EIF5B: variants seen among roughly 807,000 people sequenced by gnomAD.
EIF5B encodes eIF-5B.
In EIF5B, 47 loss-of-function variants were observed where a neutral mutation model predicts 147.5. The ratio of observed to expected loss-of-function variants is 0.32; its 90% CI spans 0.25 to 0.41. The LOEUF is 0.41. EIF5B is among the 10% of genes least tolerant of loss of function. The pLI is 1.00. For missense variants in EIF5B, 1,064 were observed against 1,413.2 expected, an observed-to-expected ratio of 0.75 and a Z score of 3.96; for synonymous variants, 455 against 456.2, an observed-to-expected ratio of 1.00 and a Z score of 0.03.
chr2:99,339,907 GT>G (rs1189553906), intron 1 of EIF5B, among the ~76,000 whole-genome samples: 1 of 151,790 alleles, frequency 6.6e-6, no homozygotes, highest in Non-Finnish European at 1.5e-5. Context: ...AACCTAATCT[GT>G]GTTTTGTTGT....
In EIF5B at chr2:99,357,702, T is replaced by C. The variant is rs138316215; in HGVS notation, c.36-2534T>C. Among the ~76,000 whole-genome samples the C allele has an allele frequency of 9.2e-3, 1,404 of 152,264 alleles. 23 individuals are homozygous for C. The highest frequency in any genetic ancestry group is 0.032 in the African/African-American group (1,324 of 41,532). On this transcript the variant is annotated intron_variant, in intron 1 of 23. Transcript: ENST00000289371. Reference sequence around the variant, plus strand: ...GGCCGATAAATTTTTGGAAATGAGATGCCAAACTTCAGCCTTCTCTTCTCA... The same window carrying C: ...GGCCGATAAATTTTTGGAAATGAGACGCCAAACTTCAGCCTTCTCTTCTCA...
At chr2:99,379,256 T>C in intron 11 of EIF5B, 62 bp from the exon 12 acceptor site, 3 of 1,491,970 alleles carry the variant, frequency 2.0e-6, no homozygotes, top group Non-Finnish European at 2.7e-6. Flanking sequence ...TAATTTCTTA[T>C]TATTTTTGCT....
At chr2:99,342,808 A>AT (rs1241939580) in intron 1 of EIF5B, among the ~76,000 whole-genome samples, 2 of 151,712 alleles carry the variant, frequency 1.3e-5, no homozygotes, top group African/African-American at 2.4e-5. Flanking sequence ...ATTTTTAAAA[A>AT]TTTTTTGTAG....
intron 1 of EIF5B, among the ~76,000 whole-genome samples, chr2:99,349,307 T>C (rs1559244243): frequency 1.3e-5 from 2 of 152,188 alleles, no homozygotes; most frequent in African/African-American, 4.8e-5. Context: ...GATTTTGAAG[T>C]GTGGAATAAT....
intron 1 of EIF5B, among the ~76,000 whole-genome samples, chr2:99,352,661 A>G (rs1021648319): frequency 6.9e-6 from 1 of 144,426 alleles, no homozygotes; most frequent in Non-Finnish European, 1.5e-5. Context: ...TCTATTTTTT[A>G]GTAGAAACAG....
chr2:99,370,484 A>G (rs1674425510), intron 8 of EIF5B, among the ~76,000 whole-genome samples: 1 of 152,232 alleles, frequency 6.6e-6, no homozygotes, highest in Admixed American at 6.5e-5. Flanking sequence ...GAATAGGATC[A>G]TCTCACCTGG....
At chr2:99,386,098 A>C (rs1674801505) in intron 14 of EIF5B, among the ~76,000 whole-genome samples, 1 of 152,220 alleles carries the variant, frequency 6.6e-6, no homozygotes, top group Admixed American at 6.5e-5. Flanking sequence ...TATCTGAATA[A>C]TACTGCACTT....
rs1291114892 is a variant in EIF5B at position 99,376,411 on chromosome 2, AGAG to A, written c.1620_1622del (p.Glu543del). On this transcript the variant is annotated inframe_deletion, in exon 10 of 24. Transcript: ENST00000289371. The stretch of plus-strand genomic sequence containing the variant: ...CTGAAGAGGAGGAGGAGGAGGAAGA[AGAG>A]GAAGAAGAAGATGAAGAAAGTGAAG... 7.7e-6 allele frequency: 12 copies of A among 1,562,314 alleles called. No individual in the cohort carries two copies. The highest frequency in any genetic ancestry group is 1.4e-5 in the African/African-American group (1 of 73,048).
intron 6 of EIF5B, among the ~76,000 whole-genome samples, chr2:99,365,738 G>A (rs3791212): frequency 6.6e-6 from 1 of 151,892 alleles, no homozygotes; most frequent in Admixed American, 6.5e-5. Flanking sequence ...CATCCCTGAC[G>A]CTGGTCTCTT....
chr2:99,400,826 T>G lies in EIF5B; in HGVS notation c.*1412T>G, dbSNP rs1388501589. ...ACAAGTAGAATCCCGGTCTGAGACC[T>G]CTCAGGAATTTCAGAGCTTAGCAGT... On this transcript the variant is annotated 3_prime_UTR_variant, in exon 24 of 24. Coordinates refer to ENST00000289371, the MANE Select transcript of EIF5B (RefSeq NM_015904.4). 1.9e-5 allele frequency: 3 copies of G among 154,054 alleles called. No individual in the cohort carries two copies. The highest frequency in any genetic ancestry group is 7.3e-5 in the African/African-American group (3 of 41,370). 9.5% of individuals were successfully genotyped at this position (154,054 alleles called of 1,614,324 possible). A position where few individuals can be genotyped will look rare whatever the true frequency, so the allele number is the denominator to read the frequency against.
chr2:99,385,755 A>G (rs147719967), intron 14 of EIF5B, among the ~76,000 whole-genome samples: 4 of 152,360 alleles, frequency 2.6e-5, no homozygotes, highest in East Asian at 1.9e-4. Context: ...TTACGCATGT[A>G]TAAGAAAATG....
At chr2:99,395,372 C>T (rs1254356567) in intron 21 of EIF5B, among the ~76,000 whole-genome samples, 1 of 152,208 alleles carries the variant, frequency 6.6e-6, no homozygotes, top group East Asian at 1.9e-4. Context: ...CTCGTTCTGT[C>T]ACCCATGCTG....
intron 14 of EIF5B, among the ~76,000 whole-genome samples, chr2:99,387,351 G>T (rs192943111): frequency 1.3e-5 from 2 of 151,998 alleles, no homozygotes; most frequent in Non-Finnish European, 2.9e-5. Flanking sequence ...TTTATATAGT[G>T]TGAGGTCAGG....
intron 21 of EIF5B, among the ~76,000 whole-genome samples, chr2:99,396,251 G>T (rs1279678402): frequency 6.6e-6 from 1 of 152,238 alleles, no homozygotes; most frequent in Non-Finnish European, 1.5e-5. Flanking sequence ...TTTTAAGCGT[G>T]TGCTCAATAA....
In EIF5B at chr2:99,361,423, T is replaced by A; in HGVS notation, c.522T>A (p.Ile174=). Reference sequence around the variant, plus strand: ...AGGATGAGGATAACAGTAAAAAAATTAAAGAGCGTTCAAGAATAAATTCTT... The same window carrying A: ...AGGATGAGGATAACAGTAAAAAAATAAAAGAGCGTTCAAGAATAAATTCTT... ...SEEDEDNSKK[I]KERSRINSSG... is the part of the protein sequence containing the mutation. Residue 174 remains isoleucine (I), a synonymous_variant, in exon 4 of 24, where the codon ATT becomes ATA. Coordinates refer to ENST00000289371, the MANE Select transcript of EIF5B (RefSeq NM_015904.4). 6.2e-7 allele frequency: 1 copy of A among 1,613,660 alleles called. No individual in the cohort carries two copies. The highest frequency in any genetic ancestry group is 8.5e-7 in the Non-Finnish European group (1 of 1,179,936).
chr2:99,354,413 GT>G (rs961716130), intron 1 of EIF5B, among the ~76,000 whole-genome samples: 4 of 152,210 alleles, frequency 2.6e-5, no homozygotes, highest in Admixed American at 2.6e-4. Flanking sequence ...AGTTTTGAGA[GT>G]TTTGGGTATA....
intron 22 of EIF5B, chr2:99,398,494 G>A (rs757466476): frequency 1.6e-5 from 5 of 311,346 alleles, no homozygotes; most frequent in Admixed American, 4.8e-5. Context: ...ATGACATTGG[G>A]TCAACAGGGC....
intron 1 of EIF5B, among the ~76,000 whole-genome samples, chr2:99,350,396 T>C (rs1308497474): frequency 1.3e-5 from 2 of 151,910 alleles, no homozygotes; most frequent in South Asian, 2.1e-4. Flanking sequence ...AATTTACATT[T>C]CCCCCCACAG....
At chr2:99,338,993 A>AATATATATATACAAATATATAT (rs376574073) in intron 1 of EIF5B, among the ~76,000 whole-genome samples, 1 of 132,726 alleles carries the variant, frequency 7.5e-6, no homozygotes, top group Non-Finnish European at 1.6e-5. Context: ...TATATACACA[A>AATATATATATACAAATATATAT]ATATATATAT....
Sources: allele counts gnomAD v4.1 joint callset (sites outside exome capture counted in the v4.1 genomes callset), GRCh38; gene constraint gnomAD v4.1.1; transcripts MANE v1.5; gene names NCBI Gene and HGNC (gene_info 2026-07-23, HGNC 2026-07-21).